Variants in AKAP6 observed in about 807,000 individuals in gnomAD.
The protein encoded by AKAP6 is A-kinase anchor protein 6.
AKAP6 carries 58 observed loss-of-function variants against 188.5 expected under a neutral mutation model. The ratio of observed to expected loss-of-function variants is 0.31; its 90% confidence interval spans 0.25 to 0.38. The LOEUF (loss-of-function observed/expected upper bound fraction) is 0.38. AKAP6 is among the 10% of genes least tolerant of loss of function. The pLI is 1.00. For synonymous variants in AKAP6, 989 were observed against 998.6 expected (o/e 0.99, Z 0.18); for missense variants, 2,710 against 2,740.0 (o/e 0.99, Z 0.24).
At chr14:32,612,689 T>C (rs1172705369) in intron 7 of AKAP6, among the ~76,000 whole-genome samples, 1 of 152,216 alleles carries the variant, frequency 6.6e-6, no homozygotes, top group East Asian at 1.9e-4. Context: ...CATACTTCCT[T>C]GAGGCAGGTC....
At chr14:32,572,453 C>T (rs778450797) in intron 4 of AKAP6, among the ~76,000 whole-genome samples, 2 of 152,194 alleles carry the variant, frequency 1.3e-5, no homozygotes, top group Non-Finnish European at 2.9e-5. Context: ...TGTTCCCTGG[C>T]CCCATATATG....
At position 32,823,794 on chromosome 14, in the gene AKAP6, A is replaced by G. The variant is rs749127382; in HGVS notation, c.5981A>G (p.Asn1994Ser). 2 of 1,613,630 alleles carry G rather than the reference A, an allele frequency of 1.2e-6. No homozygotes were observed. Among genetic ancestry groups the G allele is most frequent in the East Asian group, 2.2e-5 (1 of 44,880 alleles). ...FSELALETRF[N>S]NRQDSDALKS... Reference sequence around the variant, plus strand: ...GAACTGGCTTTAGAAACCAGGTTTAACAACAGACAAGACTCTGATGCACTG... The same window carrying G: ...GAACTGGCTTTAGAAACCAGGTTTAGCAACAGACAAGACTCTGATGCACTG... The change falls in exon 13 of 14, where the codon AAC becomes AGC. Residue 1994 changes from asparagine (N) to serine (S), a missense_variant. This residue lies in a region of AKAP6 where 2,473 missense variants were observed against 2,426.1 expected (regional missense o/e 1.02). Coordinates refer to ENST00000280979, the MANE Select transcript of AKAP6 (RefSeq NM_004274.5).
chr14:32,666,769 T>C (rs911813337), intron 7 of AKAP6, among the ~76,000 whole-genome samples: 1 of 148,926 alleles, frequency 6.7e-6, no homozygotes, highest in African/African-American at 2.6e-5. Flanking sequence ...TAATTTAGGC[T>C]TTTTTTCAAA....
Position 32,358,381 on chromosome 14 carries a change from C to A in AKAP6, c.-35+28973C>A, listed in dbSNP as rs1377625689. ...GTGGTTGATGCTCAACACACAAAACCAAAAAACTGTTTGTTCTTGGCATAA... is the reference window on the plus strand; with the variant it reads ...GTGGTTGATGCTCAACACACAAAACAAAAAAACTGTTTGTTCTTGGCATAA... On this transcript the variant is annotated intron_variant, in intron 1 of 13. Transcript: ENST00000280979. 2.6e-5 allele frequency among the ~76,000 whole-genome samples: 4 copies of A among 152,110 alleles called. No individual in the cohort carries two copies. The East Asian group carries it at 5.8e-4, about 22-fold the overall frequency.
intron 1 of AKAP6, among the ~76,000 whole-genome samples, chr14:32,354,085 G>C (rs554944134): frequency 1.8e-3 from 278 of 151,318 alleles, no homozygotes; most frequent in Admixed American, 4.9e-3. Context: ...CAATGACTTT[G>C]TTCACAGAAT....
intron 4 of AKAP6, among the ~76,000 whole-genome samples, chr14:32,547,234 T>A (rs1022649282): frequency 2.0e-5 from 3 of 152,244 alleles, no homozygotes; most frequent in Non-Finnish European, 1.5e-5. Flanking sequence ...TGGTATAGAA[T>A]TCTTTGTTGA....
intron 2 of AKAP6, among the ~76,000 whole-genome samples, chr14:32,508,810 T>C (rs1881003249): frequency 6.6e-6 from 1 of 151,884 alleles, no homozygotes; most frequent in African/African-American, 2.4e-5. Context: ...CTTCATTCGG[T>C]GGTTGTTTAT....
chr14:32,510,364 A>ATG (rs1555335063), intron 2 of AKAP6, among the ~76,000 whole-genome samples: 1 of 113,524 alleles, frequency 8.8e-6, no homozygotes, highest in South Asian at 2.5e-4. Context: ...ACATATATAT[A>ATG]TGTGTATATA....
At chr14:32,726,098 T>C (rs2030858497) in intron 9 of AKAP6, 1 of 805,274 alleles carries the variant, frequency 1.2e-6, no homozygotes, top group African/African-American at 1.9e-5. Context: ...AACGACCAGA[T>C]TAAGGTTTTC....
intron 11 of AKAP6, among the ~76,000 whole-genome samples, chr14:32,755,713 A>G (rs1007536769): frequency 1.3e-5 from 2 of 152,054 alleles, no homozygotes; most frequent in South Asian, 2.1e-4. Flanking sequence ...TTTTTTGTAC[A>G]GACAAGGTTT....
chr14:32,562,451 G>C (rs548704781), intron 4 of AKAP6, among the ~76,000 whole-genome samples: 2 of 152,034 alleles, frequency 1.3e-5, no homozygotes, highest in Non-Finnish European at 2.9e-5. Flanking sequence ...GAAGACTATC[G>C]GTAGTCTTTT....
intron 1 of AKAP6, among the ~76,000 whole-genome samples, chr14:32,353,638 G>T (rs1216608175): frequency 6.6e-6 from 1 of 151,810 alleles, no homozygotes; most frequent in Non-Finnish European, 1.5e-5. Flanking sequence ...AAATAAAGGA[G>T]ATTCAATTAG....
chr14:32,774,194 A>T (rs1315136671), intron 12 of AKAP6, among the ~76,000 whole-genome samples: 1 of 152,208 alleles, frequency 6.6e-6, no homozygotes, highest in Non-Finnish European at 1.5e-5. Context: ...TAACCTTACC[A>T]ACCTAAGCCA....
chr14:32,621,998 C>T (rs1886833472), intron 7 of AKAP6, among the ~76,000 whole-genome samples: 2 of 152,054 alleles, frequency 1.3e-5, no homozygotes, highest in Admixed American at 6.6e-5. Flanking sequence ...CTCAATAAGG[C>T]ATATATCCTT....
chr14:32,522,539 G>A (rs189185007), intron 2 of AKAP6, among the ~76,000 whole-genome samples: 221 of 152,260 alleles, frequency 1.5e-3, no homozygotes, highest in African/African-American at 5.0e-3. Flanking sequence ...GATATGAACA[G>A]ACACTTTTCA....
At chr14:32,560,592 G>T (rs946457169) in intron 4 of AKAP6, among the ~76,000 whole-genome samples, 1 of 152,190 alleles carries the variant, frequency 6.6e-6, no homozygotes, top group Non-Finnish European at 1.5e-5. Context: ...GTATGGAAAG[G>T]TTATGATGCA....
chr14:32,599,695 T>A (rs145546993), intron 6 of AKAP6, among the ~76,000 whole-genome samples, 189 bp downstream of exon 6: 1 of 152,328 alleles, frequency 6.6e-6, no homozygotes, highest in African/African-American at 2.4e-5. Flanking sequence ...TAAGATGAAA[T>A]ACTGCCTCCA....
At chr14:32,782,201 G>C (rs1201210878) in intron 12 of AKAP6, among the ~76,000 whole-genome samples, 1 of 149,586 alleles carries the variant, frequency 6.7e-6, no homozygotes, top group Non-Finnish European at 1.5e-5. Flanking sequence ...GAGGGAGGGA[G>C]GGAGGGAGGA....
intron 4 of AKAP6, among the ~76,000 whole-genome samples, chr14:32,560,176 A>G (rs1469794226): frequency 1.3e-5 from 2 of 152,132 alleles, no homozygotes; most frequent in Admixed American, 6.6e-5. Context: ...TCAACATAAC[A>G]TTTTAAAAGG....
Sources: allele counts gnomAD v4.1 joint callset (sites outside exome capture counted in the v4.1 genomes callset), GRCh38; gene constraint gnomAD v4.1.1; regional missense constraint gnomAD v4.1.1; transcripts MANE v1.5; gene names NCBI Gene and HGNC (gene_info 2026-07-23, HGNC 2026-07-21).